NDC1: variants seen among roughly 807,000 people sequenced by gnomAD.
NDC1 encodes NDC1 transmembrane nucleoporin, also known as nucleoporin NDC1.
In NDC1, 24 loss-of-function variants were observed where a neutral mutation model predicts 89.8. The ratio of observed to expected loss-of-function variants is 0.27; its 90% CI spans 0.19 to 0.38. The LOEUF (loss-of-function observed/expected upper bound fraction) is 0.38, where lower values mean the gene tolerates loss of function less well. Among genes scored for constraint, NDC1 ranks in the 10% least tolerant of loss-of-function variants. NDC1 has a pLI of 1.00. For synonymous variants in NDC1, 296 were observed against 284.8 expected (o/e 1.04, Z -0.39); for missense variants, 728 against 797.6 (o/e 0.91, Z 1.05).
intron 16 of NDC1, among the ~76,000 whole-genome samples, chr1:53,781,413 A>G (rs1275877372): frequency 6.6e-6 from 1 of 152,224 alleles, no homozygotes; most frequent in African/African-American, 2.4e-5. Flanking sequence ...CATTCAAATG[A>G]AAGTACATAT....
At chr1:53,800,990 A>T (rs749655457) in intron 10 of NDC1, 142 bp from the exon 11 acceptor site, 25 of 645,920 alleles carry the variant, frequency 3.9e-5, no homozygotes, top group Non-Finnish European at 6.2e-5. Flanking sequence ...ATTTATACTC[A>T]TGACATCTAA....
chr1:53,802,134 A>T (rs760524145), intron 10 of NDC1, among the ~76,000 whole-genome samples: 1 of 152,210 alleles, frequency 6.6e-6, no homozygotes, highest in Non-Finnish European at 1.5e-5. Context: ...AAAAACATTT[A>T]GAGTATAGAA....
chr1:53,801,297 C>T (rs937261918), intron 10 of NDC1, among the ~76,000 whole-genome samples: 3 of 152,072 alleles, frequency 2.0e-5, no homozygotes, highest in Admixed American at 6.6e-5. Flanking sequence ...TAAACTTTTG[C>T]GTCTGACCCC....
chr1:53,787,884 C>T (rs79177474), intron 15 of NDC1, among the ~76,000 whole-genome samples: 2 of 119,768 alleles, frequency 1.7e-5, no homozygotes, highest in Non-Finnish European at 3.6e-5. Flanking sequence ...AAAAAAAAAA[C>T]ATGTGGTAAG....
At position 53,787,274 on chromosome 1, in the gene NDC1, A is replaced by T. The variant is rs756222543; in HGVS notation, c.1700-16T>A. 5.4e-6 allele frequency: 8 copies of T among 1,472,436 alleles called. No individual in the cohort carries two copies. Among genetic ancestry groups the T allele is most frequent in the Middle Eastern group, 1.8e-4 (1 of 5,486 alleles). The allele number at this position is 1,472,436 out of a possible 1,614,324, so 91.2% of individuals were successfully genotyped here. ...TGCGACAGACCTCAAGGGAAAAAAA[A>T]AAAAGGTTAAAAGTCAATCAAAATT... On this transcript the variant is annotated splice_polypyrimidine_tract_variant and intron_variant, in intron 15 of 17. Transcript: ENST00000371429.
chr1:53,796,117 C>T (rs1347656068), intron 13 of NDC1, among the ~76,000 whole-genome samples: 1 of 152,208 alleles, frequency 6.6e-6, no homozygotes, highest in Non-Finnish European at 1.5e-5. Flanking sequence ...CCTTATCACT[C>T]CACATAAAAT....
chr1:53,809,122 C>G (rs1202738242), intron 7 of NDC1, among the ~76,000 whole-genome samples: 1 of 152,306 alleles, frequency 6.6e-6, no homozygotes, highest in East Asian at 1.9e-4. Flanking sequence ...TTGGTTTCCT[C>G]TCATAGGCTA....
intron 1 of NDC1, among the ~76,000 whole-genome samples, chr1:53,837,684 TTCTC>T (rs1020599903): frequency 6.6e-6 from 1 of 152,210 alleles, no homozygotes; most frequent in African/African-American, 2.4e-5. Flanking sequence ...TTTCTCCTCT[TTCTC>T]TTTGCACTCC....
rs372307042 is a variant in NDC1 at position 53,784,585 on chromosome 1, G to T, written c.1800+2573C>A. Among the ~76,000 whole-genome samples, 7 of 152,348 alleles carry T rather than the reference G, an allele frequency of 4.6e-5. No homozygotes were observed. In the East Asian group the frequency reaches 1.2e-3, roughly 25 times the overall value. ...AGGTAGGTGGATCACGAGGTCAGGAGATCAAGATCGTCCTGGCTAACACGG... is the reference window on the plus strand; with the variant it reads ...AGGTAGGTGGATCACGAGGTCAGGATATCAAGATCGTCCTGGCTAACACGG... On this transcript the variant is annotated intron_variant, in intron 16 of 17. Coordinates refer to ENST00000371429, the MANE Select transcript of NDC1 (RefSeq NM_018087.5).
At chr1:53,835,971 TACTGTA>T (rs1437940440) in intron 1 of NDC1, among the ~76,000 whole-genome samples, 12 of 152,204 alleles carry the variant, frequency 7.9e-5, no homozygotes, top group Admixed American at 1.3e-4. Flanking sequence ...ACCACCTGTA[TACTGTA>T]ACTGTATTTA....
chr1:53,800,537 G>C (rs1246944075), intron 11 of NDC1, among the ~76,000 whole-genome samples, 156 bp downstream of exon 11: 1 of 152,056 alleles, frequency 6.6e-6, no homozygotes, highest in Non-Finnish European at 1.5e-5. Context: ...ATGTGGGTCA[G>C]GATGGTCTCG....
At chr1:53,797,278 T>C (rs903385891) in intron 11 of NDC1, 134 bp from the exon 12 acceptor site, 2 of 810,964 alleles carry the variant, frequency 2.5e-6, no homozygotes. Context: ...TTTCCATTTA[T>C]GATTATAGTC....
At chr1:53,799,535 G>A (rs1005177525) in intron 11 of NDC1, among the ~76,000 whole-genome samples, 1 of 152,146 alleles carries the variant, frequency 6.6e-6, no homozygotes, top group African/African-American at 2.4e-5. Context: ...GATCTATATA[G>A]TGATTTTTAA....
At chr1:53,803,465 A>G (rs1251577056) in intron 10 of NDC1, among the ~76,000 whole-genome samples, 2 of 152,370 alleles carry the variant, frequency 1.3e-5, no homozygotes, top group Middle Eastern at 3.4e-3. Context: ...TGAAGGTAAT[A>G]AACTCTTAAG....
chr1:53,785,361 G>A (rs1269392799), intron 16 of NDC1, among the ~76,000 whole-genome samples: 1 of 152,088 alleles, frequency 6.6e-6, no homozygotes, highest in African/African-American at 2.4e-5. Flanking sequence ...GGAATTGCTA[G>A]GAAACTATTT....
intron 1 of NDC1, among the ~76,000 whole-genome samples, chr1:53,837,555 G>T (rs1649276476): frequency 6.6e-6 from 1 of 151,880 alleles, no homozygotes; most frequent in Non-Finnish European, 1.5e-5. Flanking sequence ...GGGCAACAGG[G>T]AGCGAGCCTC....
chr1:53,768,336 T>C (rs950979893), intron 17 of NDC1, among the ~76,000 whole-genome samples: 1 of 152,206 alleles, frequency 6.6e-6, no homozygotes, highest in African/African-American at 2.4e-5. Flanking sequence ...GGCCTTGGAG[T>C]AGATTTTCTG....
Position 53,819,033 on chromosome 1 carries a change from TTAAC to T in NDC1, c.637_640del (p.Val213AsnfsTer33). On this transcript the variant is annotated frameshift_variant, in exon 6 of 18. Coordinates refer to ENST00000371429, the MANE Select transcript of NDC1 (RefSeq NM_018087.5). LOFTEE classifies it high-confidence loss of function. ...GAACAGTGATTCCACACAACTGTGTTTAACTAATAAGAGCAGAGATCTCCTAAAA... is the reference window on the plus strand; with the variant it reads ...GAACAGTGATTCCACACAACTGTGTTTAATAAGAGCAGAGATCTCCTAAAA... 2 of 1,583,334 alleles carry T rather than the reference TTAAC, an allele frequency of 1.3e-6. No individual in the cohort carries two copies. Among genetic ancestry groups the T allele is most frequent in the Non-Finnish European group, 8.6e-7 (1 of 1,168,496 alleles).
At chr1:53,810,314 G>A (rs897116095) in intron 6 of NDC1, among the ~76,000 whole-genome samples, 3 of 151,778 alleles carry the variant, frequency 2.0e-5, no homozygotes, top group African/African-American at 7.3e-5. Context: ...TTGGAATTGC[G>A]CATACTAAAA....
Sources: gnomAD v4.1 joint callset for allele counts (sites outside exome capture counted in the v4.1 genomes callset) on GRCh38, gnomAD v4.1.1 for gene constraint, MANE v1.5 for transcripts, NCBI Gene and HGNC (gene_info 2026-07-23, HGNC 2026-07-21) for gene names.